Variants in MAGI3 observed in about 807,000 individuals in gnomAD.
MAGI3 encodes the protein membrane associated guanylate kinase, WW and PDZ domain containing 3.
MAGI3 carries 43 observed loss-of-function variants against 121.8 expected under a neutral mutation model. The observed-to-expected ratio is 0.35, with a 90% CI of 0.28 to 0.46. MAGI3 has a LOEUF of 0.46. MAGI3 is among the 20% of genes least tolerant of loss of function. MAGI3 has a pLI of 1.00. For synonymous variants in MAGI3, 553 were observed against 639.3 expected, an observed-to-expected ratio of 0.86 and a Z score of 2.04; for missense variants, 1,547 against 1,797.3, an observed-to-expected ratio of 0.86 and a Z score of 2.52.
At chr1:113,550,225 A>G (rs954670610) in intron 2 of MAGI3, among the ~76,000 whole-genome samples, 4 of 149,758 alleles carry the variant, frequency 2.7e-5, no homozygotes, top group African/African-American at 9.8e-5. Context: ...CTTAGCTAAC[A>G]CGGTGAAACC....
intron 1 of MAGI3, among the ~76,000 whole-genome samples, chr1:113,493,365 C>T (rs1656758858): frequency 6.6e-6 from 1 of 152,174 alleles, no homozygotes; most frequent in South Asian, 2.1e-4. Flanking sequence ...GGATGCCTTC[C>T]TTACACCACA....
chr1:113,439,797 A>G (rs1653821686), intron 1 of MAGI3, among the ~76,000 whole-genome samples: 1 of 152,244 alleles, frequency 6.6e-6, no homozygotes, highest in Non-Finnish European at 1.5e-5. Context: ...ATTAGTATAT[A>G]TTTTTATTAC....
At chr1:113,659,364 G>C in intron 16 of MAGI3, 99 bp downstream of exon 16, 1 of 1,109,970 alleles carries the variant, frequency 9.0e-7, no homozygotes, top group Non-Finnish European at 1.3e-6. Flanking sequence ...ATCACTGCGG[G>C]GATATAACTG....
At chr1:113,641,065 TATATATAATATATATGA>T (rs1652474287) in intron 9 of MAGI3, among the ~76,000 whole-genome samples, 1 of 54,508 alleles carries the variant, frequency 1.8e-5, no homozygotes, top group African/African-American at 7.9e-5. Context: ...TTATATATGA[TATATATAATATATATGA>T]GATATATATT....
chr1:113,460,538 G>A (rs186189320), intron 1 of MAGI3, among the ~76,000 whole-genome samples: 164 of 152,194 alleles, frequency 1.1e-3, no homozygotes, highest in Non-Finnish European at 1.7e-3. Context: ...AGCCGGGCAC[G>A]GTGGCTCACG....
At position 113,649,232 on chromosome 1, in the gene MAGI3, C is replaced by T. The variant is rs372775668; in HGVS notation, c.2156-5C>T. The T allele has an allele frequency of 6.2e-7, 1 of 1,604,330 alleles. No homozygotes were observed. The highest frequency in any genetic ancestry group is 1.7e-5 in the Admixed American group (1 of 57,968). On this transcript the variant is annotated splice_polypyrimidine_tract_variant and splice_region_variant and intron_variant, in intron 12 of 20. Transcript: ENST00000307546. ...ATAGTATTTATATTTTCTGATTTTCCTCAGCACCAAACACCAAAGATTTGG... is the reference window on the plus strand; with the variant it reads ...ATAGTATTTATATTTTCTGATTTTCTTCAGCACCAAACACCAAAGATTTGG...
rs140227167 is a variant in MAGI3, at chr1:113,642,474, T to C, written c.1924T>C (p.Phe642Leu). The change falls in exon 10 of 21, where the codon TTT (phenylalanine) becomes CTT (leucine). Residue 642 changes from phenylalanine (F) to leucine (L), a missense_variant. Transcript: ENST00000307546. ...CCAAGTGGTAGAGGTGCTAAAGCAG[T>C]TTCCAGTAGGTGCTGATGTACCATT... The part of the protein sequence containing the change: ...HLQVVEVLKQ[F>L]PVGADVPLLI... 13 of 1,613,926 alleles carry C rather than the reference T, an allele frequency of 8.1e-6. No homozygotes were observed. The African/African-American group carries it at 1.3e-4, about 17-fold the overall frequency.
At chr1:113,657,904 C>T (rs1047526371) in intron 15 of MAGI3, among the ~76,000 whole-genome samples, 16 of 152,192 alleles carry the variant, frequency 1.1e-4, no homozygotes, top group African/African-American at 3.9e-4. Flanking sequence ...AGAGCCAGGG[C>T]ACTGTCTGTA....
chr1:113,464,663 TTGTC>T (rs1655188762), intron 1 of MAGI3, among the ~76,000 whole-genome samples: 1 of 152,218 alleles, frequency 6.6e-6, no homozygotes, highest in Non-Finnish European at 1.5e-5. Flanking sequence ...AGCATTGTTA[TTGTC>T]TGTCTTTTTG....
chr1:113,452,018 A>G (rs1570696141), intron 1 of MAGI3, among the ~76,000 whole-genome samples: 1 of 152,236 alleles, frequency 6.6e-6, no homozygotes, highest in Non-Finnish European at 1.5e-5. Context: ...GCTTACAGAC[A>G]TGCTGAAATG....
At chr1:113,624,988 C>T (rs1341015427) in intron 9 of MAGI3, among the ~76,000 whole-genome samples, 3 of 152,132 alleles carry the variant, frequency 2.0e-5, no homozygotes, top group Non-Finnish European at 2.9e-5. Context: ...ATGTTCTTGG[C>T]ACCTTTCTTG....
At chr1:113,530,983 A>G (rs910609564) in intron 1 of MAGI3, among the ~76,000 whole-genome samples, 5 of 152,158 alleles carry the variant, frequency 3.3e-5, no homozygotes, top group African/African-American at 1.2e-4. Flanking sequence ...TATTTGGAAT[A>G]TATTATTTAA....
chr1:113,592,647 G>C (rs1046077084), intron 5 of MAGI3, among the ~76,000 whole-genome samples: 1 of 151,970 alleles, frequency 6.6e-6, no homozygotes, highest in Non-Finnish European at 1.5e-5. Flanking sequence ...TTCTCTAATA[G>C]CATGAGTAAT....
chr1:113,639,843 C>T lies in MAGI3; in HGVS notation c.1361-2068C>T, dbSNP rs1341752981. Among the ~76,000 whole-genome samples, 3 of 152,124 alleles carry T rather than the reference C, an allele frequency of 2.0e-5. No individual in the cohort carries two copies. In the East Asian group the frequency reaches 5.8e-4, roughly 29 times the overall value. On this transcript the variant is annotated intron_variant, in intron 9 of 20. Coordinates refer to ENST00000307546, the MANE Select transcript of MAGI3 (RefSeq NM_001142782.2). Reference sequence around the variant, plus strand: ...TCAGCCTCCCAAAGTGCGGGGATTACAGGCGTGAGCCACCGCGTCTGGCCT... The same window carrying T: ...TCAGCCTCCCAAAGTGCGGGGATTATAGGCGTGAGCCACCGCGTCTGGCCT...
chr1:113,425,486 G>A (rs1427717332), intron 1 of MAGI3, among the ~76,000 whole-genome samples: 10 of 151,634 alleles, frequency 6.6e-5, no homozygotes, highest in African/African-American at 2.4e-4. Context: ...GGATTTCACC[G>A]TGTTAGCCAG....
chr1:113,526,217 G>A lies in MAGI3; in HGVS notation c.317-23298G>A, dbSNP rs115083725. Among the ~76,000 whole-genome samples, 487 of 152,300 alleles carry A rather than the reference G, an allele frequency of 3.2e-3. 3 individuals carry two copies. The highest frequency in any genetic ancestry group is 0.011 in the African/African-American group (466 of 41,554). ...TGAAATCCAGGGAGTGAGGCAAGCT[G>A]TTAGGAAAGTGTAGTACAGTGTGAT... On this transcript the variant is annotated intron_variant, in intron 1 of 20. Coordinates refer to ENST00000307546, the MANE Select transcript of MAGI3 (RefSeq NM_001142782.2).
chr1:113,609,932 A>G (rs1650017849), intron 6 of MAGI3, among the ~76,000 whole-genome samples: 1 of 152,104 alleles, frequency 6.6e-6, no homozygotes, highest in African/African-American at 2.4e-5. Flanking sequence ...TAGTTTTTAT[A>G]CTATCTTTTC....
chr1:113,531,803 T>C (rs1159076587), intron 1 of MAGI3, among the ~76,000 whole-genome samples: 1 of 152,120 alleles, frequency 6.6e-6, no homozygotes, highest in Non-Finnish European at 1.5e-5. Context: ...GAAATCACCA[T>C]GTCTCCCTTT....
chr1:113,611,776 A>G (rs1425033302), intron 6 of MAGI3, among the ~76,000 whole-genome samples: 2 of 152,152 alleles, frequency 1.3e-5, no homozygotes, highest in African/African-American at 2.4e-5. Context: ...CACTCTAAGA[A>G]TGTTGGAATT....
Sources: gnomAD v4.1 joint callset for allele counts (sites outside exome capture counted in the v4.1 genomes callset) on GRCh38, gnomAD v4.1.1 for gene constraint, MANE v1.5 for transcripts, NCBI Gene and HGNC (gene_info 2026-07-23, HGNC 2026-07-21) for gene names.